Variants in OPRM1 observed in about 807,000 individuals in gnomAD.
OPRM1 encodes the protein mu-type opioid receptor.
Under a neutral mutation model 31.8 loss-of-function variants are expected in OPRM1, and 27 were observed. The ratio of observed to expected loss-of-function variants is 0.85; its 90% confidence interval spans 0.63 to 1.17. The LOEUF is 1.17. Ranked by LOEUF, OPRM1 falls within the 50% of genes most tolerant of loss-of-function variation. OPRM1 has a pLI of 0.00. For missense variants in OPRM1, 536 were observed against 511.1 expected (o/e 1.05, Z -0.47); for synonymous variants, 196 against 189.9 (o/e 1.03, Z -0.26).
chr6:154,048,669 A>C (rs1244764890), intron 1 of OPRM1, among the ~76,000 whole-genome samples: 1 of 152,154 alleles, frequency 6.6e-6, no homozygotes, highest in Non-Finnish European at 1.5e-5. Flanking sequence ...AATTTAAATA[A>C]TTTTCTCAAT....
intron 1 of OPRM1, among the ~76,000 whole-genome samples, chr6:154,075,608 T>C (rs373853870): frequency 2.0e-5 from 3 of 152,258 alleles, no homozygotes; most frequent in East Asian, 1.9e-4. Flanking sequence ...CAGGCCACCA[T>C]GCATAGCTGA....
chr6:154,074,638 T>C (rs1787467951), intron 1 of OPRM1, among the ~76,000 whole-genome samples: 1 of 152,078 alleles, frequency 6.6e-6, no homozygotes, highest in Non-Finnish European at 1.5e-5. Flanking sequence ...TACACTCCTG[T>C]AGTCCCAGCT....
downstream of OPRM1, among the ~76,000 whole-genome samples, chr6:154,136,967 C>G (rs1046635967): frequency 1.3e-4 from 20 of 152,162 alleles, no homozygotes; most frequent in Non-Finnish European, 2.4e-4. Context: ...TAATAATGAT[C>G]TTGTGAACAT....
rs497315 is a variant in OPRM1 at position 154,126,410 on chromosome 6, A to G, written c.*7689A>G. Among the ~76,000 whole-genome samples the G allele has an allele frequency of 0.22, 34,176 of 152,192 alleles. 4,006 individuals carry two copies. The highest frequency in any genetic ancestry group is 0.25 in the Non-Finnish European group (17,036 of 68,006). ...TGTCCAAGAGGACAAAGACAAAGAA[A>G]TTCTGGGAAGGAGAACAACAATTAT... On this transcript the variant is annotated 3_prime_UTR_variant, in exon 4 of 4. Transcript: ENST00000330432.
At position 154,165,672 on chromosome 6, in the gene OPRM1, G is replaced by C. The variant is rs1016979907; in HGVS notation, c.1164+74200G>C. ...GGCCCCCAATCTTCTCTGCTTCCTG[G>C]TATTCAAGGCCTTGTGTAATCTCCT... is the stretch of plus-strand genomic sequence containing the variant. On this transcript the variant is annotated intron_variant, in intron 3 of 3. Coordinates refer to the OPRM1 transcript ENST00000337049. Among the ~76,000 whole-genome samples, 24 of 152,300 alleles carry C rather than the reference G, an allele frequency of 1.6e-4. 1 individual carries two copies. The highest frequency in any genetic ancestry group is 3.3e-4 in the Admixed American group (5 of 15,300).
At chr6:154,018,573 C>A (rs978324234) in intron 1 of OPRM1, among the ~76,000 whole-genome samples, 3 of 149,086 alleles carry the variant, frequency 2.0e-5, no homozygotes, top group Non-Finnish European at 4.4e-5. Flanking sequence ...CAATTATAGT[C>A]CTAGTAAATA....
chr6:154,241,901 C>T (rs779512344), intron 3 of OPRM1, among the ~76,000 whole-genome samples: 1 of 152,176 alleles, frequency 6.6e-6, no homozygotes, highest in Non-Finnish European at 1.5e-5. Flanking sequence ...CCCTAAGTCA[C>T]CTCTAAATGG....
intron 3 of OPRM1, among the ~76,000 whole-genome samples, chr6:154,192,210 C>A (rs974397210): frequency 1.3e-5 from 2 of 152,040 alleles, no homozygotes; most frequent in African/African-American, 2.4e-5. Flanking sequence ...TTGGTTCCAC[C>A]AAAATATATC....
chr6:154,234,600 C>T (rs1779972711), intron 3 of OPRM1, among the ~76,000 whole-genome samples: 1 of 152,192 alleles, frequency 6.6e-6, no homozygotes, highest in Admixed American at 6.5e-5. Flanking sequence ...CTCTCACTAT[C>T]ACATTACGTC....
chr6:154,145,816 G>T (rs1798345090), intron 3 of OPRM1, among the ~76,000 whole-genome samples: 1 of 152,214 alleles, frequency 6.6e-6, no homozygotes, highest in Non-Finnish European at 1.5e-5. Context: ...AGAAAACCCA[G>T]AAATAGGCCC....
chr6:154,241,983 G>A (rs1431544623), intron 3 of OPRM1, among the ~76,000 whole-genome samples: 1 of 152,114 alleles, frequency 6.6e-6, no homozygotes, highest in Non-Finnish European at 1.5e-5. Flanking sequence ...TCCCAGTTCT[G>A]CTATTTACTC....
At chr6:154,244,576 C>G (rs1183736332) in intron 3 of OPRM1, among the ~76,000 whole-genome samples, 4 of 152,128 alleles carry the variant, frequency 2.6e-5, no homozygotes, top group Non-Finnish European at 4.4e-5. Flanking sequence ...CTATCCCTTT[C>G]CTCTTTCTAG....
chr6:154,116,071 C>T lies in OPRM1; in HGVS notation c.1165-2612C>T, dbSNP rs114643806. Reference sequence around the variant, plus strand: ...TCCTAGACATCTAGAGGCCCTAAATCAGCACAGCTGCCAGTACAGGATCTC... The same window carrying T: ...TCCTAGACATCTAGAGGCCCTAAATTAGCACAGCTGCCAGTACAGGATCTC... On this transcript the variant is annotated intron_variant, in intron 3 of 3. Transcript: ENST00000330432. 6.7e-3 allele frequency among the ~76,000 whole-genome samples: 1,018 copies of T among 152,188 alleles called. 5 individuals are homozygous for T. The highest frequency in any genetic ancestry group is 0.023 in the African/African-American group (973 of 41,508).
intron 3 of OPRM1, among the ~76,000 whole-genome samples, chr6:154,104,171 T>C (rs544562949): frequency 1.9e-4 from 29 of 152,228 alleles, no homozygotes; most frequent in Non-Finnish European, 3.4e-4. Flanking sequence ...GTGTTTAGGG[T>C]AGAGAGAAGC....
chr6:154,069,075 T>C (rs1267667835), intron 1 of OPRM1, among the ~76,000 whole-genome samples: 3 of 152,248 alleles, frequency 2.0e-5, no homozygotes, highest in Non-Finnish European at 4.4e-5. Context: ...TATTGGTTTG[T>C]AAGAGCTTCT....
intron 3 of OPRM1, among the ~76,000 whole-genome samples, chr6:154,097,607 G>GTA (rs1250675627): frequency 6.6e-6 from 1 of 151,948 alleles, no homozygotes; most frequent in African/African-American, 2.4e-5. Flanking sequence ...GTGTGTGTGT[G>GTA]TGCGTGTGAT....
intron 3 of OPRM1, among the ~76,000 whole-genome samples, chr6:154,114,024 G>T (rs1008663024): frequency 6.6e-6 from 1 of 151,980 alleles, no homozygotes; most frequent in Non-Finnish European, 1.5e-5. Context: ...GTTGAAAAGG[G>T]CCCCCTAGGT....
chr6:154,063,652 T>A (rs1285627394), intron 1 of OPRM1, among the ~76,000 whole-genome samples: 1 of 151,996 alleles, frequency 6.6e-6, no homozygotes, highest in Non-Finnish European at 1.5e-5. Context: ...ATAATACCCA[T>A]TCGTTCTTTC....
At chr6:154,060,198 G>A (rs1313634682) in intron 1 of OPRM1, among the ~76,000 whole-genome samples, 1 of 152,108 alleles carries the variant, frequency 6.6e-6, no homozygotes, top group Admixed American at 6.5e-5. Context: ...TTCAAGAAAA[G>A]GCATCCTGCT....
Sources: gnomAD v4.1 joint callset for allele counts (sites outside exome capture counted in the v4.1 genomes callset) on GRCh38, gnomAD v4.1.1 for gene constraint, MANE v1.5 for transcripts, NCBI Gene and HGNC (gene_info 2026-07-23, HGNC 2026-07-21) for gene names.